NEK1: variants seen among roughly 807,000 people sequenced by gnomAD.
The protein encoded by NEK1 is serine/threonine-protein kinase Nek1.
In NEK1, 137 loss-of-function variants were observed where a neutral mutation model predicts 182.1. The observed-to-expected ratio is 0.75, with a 90% CI of 0.65 to 0.87. NEK1 has a LOEUF of 0.87. NEK1 is among the 40% of genes least tolerant of loss of function. NEK1 has a pLI of 0.00. For synonymous variants in NEK1, 513 were observed against 492.2 expected, an observed-to-expected ratio of 1.04 and a Z score of -0.56; for missense variants, 1,391 against 1,494.4, an observed-to-expected ratio of 0.93 and a Z score of 1.14.
At chr4:169,465,133 CA>C (rs1469176841) in intron 26 of NEK1, among the ~76,000 whole-genome samples, 3 of 151,982 alleles carry the variant, frequency 2.0e-5, no homozygotes, top group Non-Finnish European at 4.4e-5. Flanking sequence ...TAGTTTCATA[CA>C]GCCAAAATGA....
intron 27 of NEK1, among the ~76,000 whole-genome samples, chr4:169,450,225 G>A (rs1039654482): frequency 1.3e-5 from 2 of 152,170 alleles, no homozygotes; most frequent in African/African-American, 4.8e-5. Flanking sequence ...AAAGTGATGG[G>A]GAGAATGGAA....
At chr4:169,415,853 A>G (rs532297372) in intron 31 of NEK1, among the ~76,000 whole-genome samples, 1 of 152,314 alleles carries the variant, frequency 6.6e-6, no homozygotes, top group South Asian at 2.1e-4. Context: ...AAAGTACATT[A>G]AAGGAATGCC....
chr4:169,569,376 C>G (rs1228251358), intron 12 of NEK1, among the ~76,000 whole-genome samples: 1 of 152,018 alleles, frequency 6.6e-6, no homozygotes, highest in Non-Finnish European at 1.5e-5. Flanking sequence ...ATAAGAGTAA[C>G]TGGGATATCG....
At position 169,394,378 on chromosome 4, in the gene NEK1, G is replaced by T; in HGVS notation, c.*132C>A. On this transcript the variant is annotated 3_prime_UTR_variant, in exon 36 of 36. Transcript: ENST00000507142. ...TGGCATGTTTCTCCATCTTTTTCAT[G>T]CAATAAGAAAGTCCATCTTAAATCT... 3 of 569,314 alleles carry T rather than the reference G, an allele frequency of 5.3e-6. No individual in the cohort carries two copies. Among genetic ancestry groups the T allele is most frequent in the Admixed American group, 3.8e-5 (1 of 26,606 alleles). The allele number at this position is 569,314 out of a possible 1,614,324, so 35.3% of individuals were successfully genotyped here. A position where few individuals can be genotyped will look rare whatever the true frequency, so the allele number is the denominator to read the frequency against.
At chr4:169,508,980 A>G in intron 19 of NEK1, 128 bp from the exon 20 acceptor site, 5 of 671,728 alleles carry the variant, frequency 7.4e-6, no homozygotes, top group Non-Finnish European at 1.2e-5. Flanking sequence ...ATAAACTGTG[A>G]TAACAAACCC....
chr4:169,558,957 G>A (rs1280605291), intron 16 of NEK1, among the ~76,000 whole-genome samples: 1 of 152,054 alleles, frequency 6.6e-6, no homozygotes, highest in Admixed American at 6.6e-5. Context: ...TATCAACTAT[G>A]TAGAAATCAA....
intron 26 of NEK1, among the ~76,000 whole-genome samples, chr4:169,472,325 T>C (rs1017220397): frequency 9.9e-5 from 15 of 152,282 alleles, no homozygotes; most frequent in East Asian, 7.7e-4. Flanking sequence ...AAGCGTAGTA[T>C]GTGGGTCAGA....
At chr4:169,582,592 C>T (rs1433666839) in intron 10 of NEK1, among the ~76,000 whole-genome samples, 1 of 152,082 alleles carries the variant, frequency 6.6e-6, no homozygotes, top group Non-Finnish European at 1.5e-5. Flanking sequence ...GGTTTATGAT[C>T]TCCATCTTGT....
At chr4:169,566,146 A>C (rs1381284505) in intron 12 of NEK1, among the ~76,000 whole-genome samples, 1 of 152,228 alleles carries the variant, frequency 6.6e-6, no homozygotes, top group Non-Finnish European at 1.5e-5. Context: ...ATTTAAAAAC[A>C]TTAATACAGC....
At chr4:169,570,082 G>A (rs1442551611) in intron 12 of NEK1, among the ~76,000 whole-genome samples, 1 of 150,968 alleles carries the variant, frequency 6.6e-6, no homozygotes, top group Admixed American at 6.6e-5. Context: ...CATCTAGGAA[G>A]TGAGGAGCGT....
At chr4:169,561,612 T>A (rs947833189) in intron 15 of NEK1, 58 bp from the exon 16 acceptor site, 6 of 1,588,112 alleles carry the variant, frequency 3.8e-6, no homozygotes, top group Admixed American at 3.4e-5. Context: ...AAAATACACG[T>A]AATACATTTA....
In NEK1 at chr4:169,556,096, C is replaced by T. The variant is rs1762127820; in HGVS notation, c.1267-1G>A. ...TCCCTCCACTGCCCAGAAAAGGAGCCTAGGGATTAAACAAAGAGCTCTCAC... is the reference window on the plus strand; with the variant it reads ...TCCCTCCACTGCCCAGAAAAGGAGCTTAGGGATTAAACAAAGAGCTCTCAC... On this transcript the variant is annotated splice_acceptor_variant, in intron 16 of 35. Coordinates refer to ENST00000507142, the MANE Select transcript of NEK1 (RefSeq NM_001199397.3). LOFTEE classifies it high-confidence loss of function. 3 of 1,610,508 alleles carry T rather than the reference C, an allele frequency of 1.9e-6. No individual in the cohort carries two copies. The highest frequency in any genetic ancestry group is 2.7e-5 in the African/African-American group (2 of 74,804).
chr4:169,568,092 C>G (rs1047252650), intron 12 of NEK1, among the ~76,000 whole-genome samples: 8 of 152,192 alleles, frequency 5.3e-5, no homozygotes, highest in African/African-American at 1.7e-4. Context: ...TCCAGATTCA[C>G]CAACAGTTCT....
intron 8 of NEK1, among the ~76,000 whole-genome samples, chr4:169,588,255 A>G (rs1414029695): frequency 6.6e-6 from 1 of 152,120 alleles, no homozygotes; most frequent in East Asian, 1.9e-4. Flanking sequence ...CCTTATAAGA[A>G]GAGGAGGAAT....
chr4:169,539,776 C>T (rs1245842552), intron 18 of NEK1, among the ~76,000 whole-genome samples: 5 of 152,046 alleles, frequency 3.3e-5, no homozygotes, highest in Admixed American at 3.3e-4. Flanking sequence ...TTTACACCAC[C>T]ACCTGCAAGT....
chr4:169,507,172 G>C, intron 22 of NEK1, 40 bp from the exon 23 acceptor site: 32 of 934,266 alleles, frequency 3.4e-5, no homozygotes, highest in Non-Finnish European at 4.9e-5. Flanking sequence ...TTACCAGAAA[G>C]AAGGGCAGAG....
At chr4:169,535,621 G>A (rs1010247725) in intron 19 of NEK1, among the ~76,000 whole-genome samples, 1 of 152,084 alleles carries the variant, frequency 6.6e-6, no homozygotes, top group African/African-American at 2.4e-5. Flanking sequence ...GCTCACGTCT[G>A]TAATCCCAGC....
rs530607794 is a variant in NEK1, at chr4:169,557,808, G to A, written c.1267-1713C>T. 2.6e-5 allele frequency among the ~76,000 whole-genome samples: 4 copies of A among 152,222 alleles called. No individual in the cohort carries two copies. In the East Asian group the frequency reaches 5.8e-4, roughly 22 times the overall value. ...TAGCCGGGCGCAGTGGCATGTGTCTGTAGTCCCAGCTACTCAGGAGGCTGA... is the reference window on the plus strand; with the variant it reads ...TAGCCGGGCGCAGTGGCATGTGTCTATAGTCCCAGCTACTCAGGAGGCTGA... On this transcript the variant is annotated intron_variant, in intron 16 of 35. Coordinates refer to ENST00000507142, the MANE Select transcript of NEK1 (RefSeq NM_001199397.3).
intron 23 of NEK1, among the ~76,000 whole-genome samples, chr4:169,482,040 C>T (rs1422936073): frequency 6.6e-6 from 1 of 152,226 alleles, no homozygotes; most frequent in African/African-American, 2.4e-5. Flanking sequence ...TCAGCACTTA[C>T]TGCTTTACCT....
Sources: gnomAD v4.1 joint callset for allele counts (sites outside exome capture counted in the v4.1 genomes callset) on GRCh38, gnomAD v4.1.1 for gene constraint, MANE v1.5 for transcripts, NCBI Gene and HGNC (gene_info 2026-07-23, HGNC 2026-07-21) for gene names.